Variants in NDE1 observed in about 807,000 individuals in gnomAD.
The protein encoded by NDE1 is nudE neurodevelopment protein 1.
NDE1 carries 28 observed loss-of-function variants against 43.4 expected under a neutral mutation model. The ratio of observed to expected loss-of-function variants is 0.65; its 90% confidence interval spans 0.48 to 0.89. The LOEUF (loss-of-function observed/expected upper bound fraction) is 0.89, where lower values mean the gene tolerates loss of function less well. Ranked by LOEUF, NDE1 falls within the 40% of genes least tolerant of loss-of-function variation. NDE1 has a pLI of 0.00. For missense variants in NDE1, 441 were observed against 434.1 expected, an observed-to-expected ratio of 1.02 and a Z score of -0.14; for synonymous variants, 184 against 172.0, an observed-to-expected ratio of 1.07 and a Z score of -0.55.
At chr16:15,679,115 AAAG>A (rs1019880014) in intron 4 of NDE1, among the ~76,000 whole-genome samples, 3 of 150,832 alleles carry the variant, frequency 2.0e-5, no homozygotes, top group Non-Finnish European at 4.4e-5. Flanking sequence ...AAAAACAAAA[AAAG>A]CACAGATGTT....
At chr16:15,704,260 G>A (rs1336943172) in intron 8 of NDE1, 3 of 916,424 alleles carry the variant, frequency 3.3e-6, no homozygotes, top group African/African-American at 1.7e-5. Context: ...AACACACACG[G>A]CACAAATAAG....
Position 15,677,934 on chromosome 16 carries a change from T to C in NDE1, c.371T>C (p.Leu124Pro), listed in dbSNP as rs373635559. The C allele has an allele frequency of 6.2e-7, 1 of 1,613,992 alleles. No individual in the cohort carries two copies. Among genetic ancestry groups the C allele is most frequent in the Non-Finnish European group, 8.5e-7 (1 of 1,180,002 alleles). Residue 124 changes from leucine to proline, a missense_variant, in exon 4 of 9, where the codon CTG (leucine) becomes CCG (proline). By Grantham distance (98) the Leu-to-Pro change is moderately conservative. Coordinates refer to ENST00000396354, the MANE Select transcript of NDE1 (RefSeq NM_017668.3). ...IRELEQANDD[L>P]ERAKRATIMS... ...GAGCTGGAGCAAGCAAATGACGACC[T>C]GGAAAGAGCCAAGCGGTATGGGTGG...
At chr16:15,648,036 A>C (rs74681464), upstream of NDE1, among the ~76,000 whole-genome samples, 5 of 139,018 alleles carry the variant, frequency 3.6e-5, no homozygotes, top group Admixed American at 2.1e-4. Flanking sequence ...CTGTCTCACA[A>C]AAAAAAAAAA....
chr16:15,666,019 G>A (rs985122274), intron 2 of NDE1, among the ~76,000 whole-genome samples: 10 of 151,928 alleles, frequency 6.6e-5, no homozygotes, highest in African/African-American at 2.2e-4. Flanking sequence ...GCTTCCCTAA[G>A]TGCTGGGATT....
At chr16:15,697,284 C>T (rs547369289) in intron 8 of NDE1, among the ~76,000 whole-genome samples, 3 of 152,122 alleles carry the variant, frequency 2.0e-5, no homozygotes, top group South Asian at 4.1e-4. Flanking sequence ...TTCAAGTGAT[C>T]CTCACCCTTC....
chr16:15,696,090 C>CT (rs2038995777), intron 7 of NDE1: 1 of 149,402 alleles, frequency 6.7e-6, no homozygotes, highest in Non-Finnish European at 1.5e-5. Context: ...GTGCATAGTC[C>CT]TAGCTATTCA....
chr16:15,663,641 T>A (rs2037160459), intron 1 of NDE1, among the ~76,000 whole-genome samples: 1 of 152,202 alleles, frequency 6.6e-6, no homozygotes. Context: ...TCCTGGGCAC[T>A]GATAGAAATG....
chr16:15,719,807 T>G, intron 8 of NDE1: 1 of 1,554,276 alleles, frequency 6.4e-7, no homozygotes. Flanking sequence ...CCTTGGATTT[T>G]CTGCAGTTGA....
chr16:15,692,096 A>G (rs1344382709), intron 6 of NDE1, among the ~76,000 whole-genome samples: 1 of 151,940 alleles, frequency 6.6e-6, no homozygotes, highest in Non-Finnish European at 1.5e-5. Flanking sequence ...TTCTCACCCC[A>G]GCCCCTCTGC....
At position 15,664,837 on chromosome 16, in the gene NDE1, A is replaced by C; in HGVS notation, c.59A>C (p.Asp20Ala). The part of the protein sequence containing the change: ...SEEEEANYWK[D>A]LAMTYKQRAE... ...GAGGAAGAAGCTAACTATTGGAAAG[A>C]TCTGGCGATGACCTACAAACAGAGG... Residue 20 changes from aspartate to alanine, a missense_variant, in exon 2 of 9, where the codon GAT becomes GCT. By Grantham distance (126) the Asp-to-Ala change is moderately radical (BLOSUM62 -2). Transcript: ENST00000396354. The C allele has an allele frequency of 1.9e-6, 3 of 1,612,500 alleles. No homozygotes were observed. Among genetic ancestry groups the C allele is most frequent in the Non-Finnish European group, 2.5e-6 (3 of 1,179,186 alleles).
intron 8 of NDE1, among the ~76,000 whole-genome samples, chr16:15,709,650 T>C (rs2039668307): frequency 6.6e-6 from 1 of 152,200 alleles, no homozygotes; most frequent in Non-Finnish European, 1.5e-5. Flanking sequence ...GTCTGTCCTT[T>C]AGAGCTACTT....
At chr16:15,662,520 T>G (rs760202922) in intron 1 of NDE1, among the ~76,000 whole-genome samples, 60 of 151,942 alleles carry the variant, frequency 3.9e-4, no homozygotes, top group Non-Finnish European at 7.5e-4. Flanking sequence ...CCTGACCTCA[T>G]GATCCGCCTG....
chr16:15,713,437 T>C (rs1184330001), intron 8 of NDE1: 2 of 152,026 alleles, frequency 1.3e-5, no homozygotes, highest in Non-Finnish European at 2.9e-5. Context: ...AGTGAGAAGA[T>C]GAGGGAGGGG....
Position 15,687,371 on chromosome 16 carries a change from C to A in NDE1, c.387-4C>A, listed in dbSNP as rs748448386. ...TTGGATAACTCTGCTTTTCTCTTCG[C>A]CAGCGCCACGATCATGTCTCTCGAA... On this transcript the variant is annotated splice_polypyrimidine_tract_variant and splice_region_variant and intron_variant, in intron 4 of 8. Transcript: ENST00000396354. 19 of 1,613,992 alleles carry A rather than the reference C, an allele frequency of 1.2e-5. 2 individuals carry two copies. The South Asian group carries it at 2.1e-4, about 18-fold the overall frequency.
upstream of NDE1, among the ~76,000 whole-genome samples, chr16:15,647,390 T>TA (rs1230828357): frequency 2.0e-5 from 3 of 152,348 alleles, no homozygotes; most frequent in African/African-American, 7.2e-5. Flanking sequence ...TGTTAATTAC[T>TA]AGTTGTAAGA....
Position 15,715,972 on chromosome 16 carries a change from C to T in NDE1, c.948-8219C>T, listed in dbSNP as rs117066936. Among the ~76,000 whole-genome samples, 380 of 150,994 alleles carry T rather than the reference C, an allele frequency of 2.5e-3. 1 individual carries two copies. Among genetic ancestry groups the T allele is most frequent in the Non-Finnish European group, 4.4e-3 (297 of 67,778 alleles). ...GAAACCCCATCCCTACTAAAAAATA[C>T]AATTACAAGCTGGGTACAGTGGTGT... On this transcript the variant is annotated intron_variant, in intron 8 of 8. Transcript: ENST00000396354.
intron 8 of NDE1, among the ~76,000 whole-genome samples, chr16:15,722,094 AGT>A (rs1220157137): frequency 6.6e-6 from 1 of 152,084 alleles, no homozygotes; most frequent in African/African-American, 2.4e-5. Flanking sequence ...CTGACCCTCA[AGT>A]GAGCCTCCTG....
At chr16:15,683,118 A>G (rs576465773) in intron 4 of NDE1, among the ~76,000 whole-genome samples, 2 of 152,054 alleles carry the variant, frequency 1.3e-5, no homozygotes, top group South Asian at 4.2e-4. Context: ...AAGTGTTGGG[A>G]TTACAAGCAT....
upstream of NDE1, among the ~76,000 whole-genome samples, chr16:15,650,039 G>A (rs1201945481): frequency 6.6e-6 from 1 of 152,186 alleles, no homozygotes; most frequent in Non-Finnish European, 1.5e-5. Flanking sequence ...CCCGGCAGCC[G>A]GCGCCTCTCA....
Sources: gnomAD v4.1 joint callset for allele counts (sites outside exome capture counted in the v4.1 genomes callset) on GRCh38, gnomAD v4.1.1 for gene constraint, MANE v1.5 for transcripts, NCBI Gene and HGNC (gene_info 2026-07-23, HGNC 2026-07-21) for gene names.